GLB1: variants seen among roughly 807,000 people sequenced by gnomAD.
The protein encoded by GLB1 is galactosidase beta 1.
GLB1 carries 56 observed loss-of-function variants against 74.0 expected under a neutral mutation model. The ratio of observed to expected loss-of-function variants is 0.76; its 90% confidence interval spans 0.61 to 0.94. The LOEUF is 0.94. GLB1 is among the 40% of genes least tolerant of loss of function. GLB1 has a pLI of 0.00. For synonymous variants in GLB1, 323 were observed against 323.6 expected (o/e 1.00, Z 0.02); for missense variants, 787 against 845.5 (o/e 0.93, Z 0.86).
rs1233338329 is a variant in GLB1, at chr3:33,097,053, CA to C, written c.32del (p.Leu11ArgfsTer60). MPGFLVRILP[L>X]LLVLLLLGPT... ...GGCCCAGAAGCAGCAGAACCAGCAA[CA>C]GAGGGAGGATGCGAACCAGGAACCC... is the stretch of plus-strand genomic sequence containing the variant. On this transcript the variant is annotated frameshift_variant, in exon 1 of 16. Transcript: ENST00000307363. LOFTEE classifies it high-confidence loss of function. 6.2e-7 allele frequency: 1 copy of C among 1,611,922 alleles called. No homozygotes were observed. The highest frequency in any genetic ancestry group is 8.5e-7 in the Non-Finnish European group (1 of 1,178,674).
At chr3:32,962,135 A>C in the GLB1 span, among the ~76,000 whole-genome samples, 139 of 152,110 alleles carry the variant, frequency 9.1e-4, 2 homozygotes, top group African/African-American at 3.3e-3. Context: ...CGGAGGTTGC[A>C]ATGAGCTGAG....
intron 5 of GLB1, among the ~76,000 whole-genome samples, chr3:33,060,825 G>T (rs996585069): frequency 1.3e-5 from 2 of 152,142 alleles, no homozygotes; most frequent in African/African-American, 2.4e-5. Flanking sequence ...TCCTACCCAT[G>T]GGACTCCACC....
Position 33,093,574 on chromosome 3 carries a change from T to C in GLB1, c.75+3437A>G. ...TGAATGTCTGAGAGGAGCACGATCT[T>C]GAGGTTGTTCATTGAGGCAGGCAGC... On this transcript the variant is annotated intron_variant, in intron 1 of 15. Coordinates refer to ENST00000307363, the MANE Select transcript of GLB1 (RefSeq NM_000404.4). This position sits in a 1 kb window ranked among gnomAD's most constrained non-coding sequence, Gnocchi z 6.0. 1 of 1,614,150 alleles carries C rather than the reference T, an allele frequency of 6.2e-7. No individual in the cohort carries two copies. The highest frequency in any genetic ancestry group is 8.5e-7 in the Non-Finnish European group (1 of 1,180,010).
chr3:33,027,326 C>A (rs778822499), intron 10 of GLB1, among the ~76,000 whole-genome samples: 18 of 152,270 alleles, frequency 1.2e-4, no homozygotes, highest in Non-Finnish European at 1.9e-4. Flanking sequence ...CTCAACCCCA[C>A]GCTTGCTCAC....
intron 9 of GLB1, among the ~76,000 whole-genome samples, chr3:33,049,167 A>G (rs762290095): frequency 3.9e-5 from 6 of 152,156 alleles, no homozygotes; most frequent in Non-Finnish European, 5.9e-5. Flanking sequence ...CGATCCCATC[A>G]ATGGCAGCTA....
intron 15 of GLB1, among the ~76,000 whole-genome samples, chr3:32,999,029 C>T (rs1186470698): frequency 1.3e-5 from 2 of 152,158 alleles, no homozygotes; most frequent in Non-Finnish European, 2.9e-5. Context: ...GATGAAGGAA[C>T]AGTGTGTGGC....
chr3:33,077,346 G>T, intron 1 of GLB1: 1 of 1,487,624 alleles, frequency 6.7e-7, no homozygotes, highest in Non-Finnish European at 9.2e-7. Flanking sequence ...AAAGCCTGTT[G>T]TGAACGATAG....
At chr3:32,983,976 C>T in the GLB1 span, among the ~76,000 whole-genome samples, 1 of 152,166 alleles carries the variant, frequency 6.6e-6, no homozygotes, top group Non-Finnish European at 1.5e-5. Context: ...TGAGCTGCCA[C>T]TCCTAGCCTG....
the GLB1 span, among the ~76,000 whole-genome samples, chr3:32,968,660 A>T: frequency 1.3e-5 from 2 of 152,178 alleles, no homozygotes; most frequent in East Asian, 1.9e-4. Flanking sequence ...ACATGAAGTC[A>T]CAAAGAAGAG....
intron 1 of GLB1, 41 bp downstream of exon 1, chr3:33,096,970 C>T: frequency 1.2e-6 from 2 of 1,604,768 alleles, no homozygotes; most frequent in Non-Finnish European, 8.5e-7. Context: ...CCAGCCTGTC[C>T]CCTAGCAATG....
intron 14 of GLB1, 131 bp from the exon 15 acceptor site, chr3:33,014,441 T>C (rs1041770920): frequency 2.3e-5 from 31 of 1,369,520 alleles, no homozygotes; most frequent in South Asian, 5.2e-5. Context: ...CCTCGAAATA[T>C]GTGTACATCG....
At chr3:33,056,861 ATACAG>A (rs1472404895) in intron 6 of GLB1, among the ~76,000 whole-genome samples, 2 of 152,218 alleles carry the variant, frequency 1.3e-5, no homozygotes, top group African/African-American at 2.4e-5. Context: ...AATTATACTG[ATACAG>A]TACTCTTATC....
intron 10 of GLB1, among the ~76,000 whole-genome samples, chr3:33,043,786 A>AAAAT (rs71795892): frequency 0.34 from 42,206 of 122,594 alleles, 8,492 homozygotes; most frequent in Non-Finnish European, 0.42. Context: ...ATACCTCAGA[A>AAAAT]AAATACCAAG....
At position 33,068,180 on chromosome 3, in the gene GLB1, C is replaced by T. The variant is rs372908598; in HGVS notation, c.457+50G>A. Reference sequence around the variant, plus strand: ...AGGATTACAGGCGTGAGCCACCGCACCTAGGCTGAAGCTTTTATAAATCTT... The same window carrying T: ...AGGATTACAGGCGTGAGCCACCGCATCTAGGCTGAAGCTTTTATAAATCTT... On this transcript the variant is annotated intron_variant, in intron 4 of 15. Transcript: ENST00000307363. The T allele has an allele frequency of 2.0e-5, 33 of 1,613,092 alleles. No individual in the cohort carries two copies. The African/African-American group carries it at 4.3e-4, about 21-fold the overall frequency.
In GLB1 at chr3:33,093,704, G is replaced by A; in HGVS notation, c.75+3307C>T. Reference sequence around the variant, plus strand: ...TCACTCCCACTGCCAGGGCAGGCCTGAGCACGAGCTTCCTTGTCTTCTCAA... The same window carrying A: ...TCACTCCCACTGCCAGGGCAGGCCTAAGCACGAGCTTCCTTGTCTTCTCAA... On this transcript the variant is annotated intron_variant, in intron 1 of 15. Coordinates refer to ENST00000307363, the MANE Select transcript of GLB1 (RefSeq NM_000404.4). This position sits in a 1 kb window ranked among gnomAD's most constrained non-coding sequence, Gnocchi z 6.0. 8 of 1,614,184 alleles carry A rather than the reference G, an allele frequency of 5.0e-6. No individual in the cohort carries two copies. Among genetic ancestry groups the A allele is most frequent in the East Asian group, 2.2e-5 (1 of 44,880 alleles).
At position 33,053,552 on chromosome 3, in the gene GLB1, G is replaced by C; in HGVS notation, c.734-3C>G. On this transcript the variant is annotated splice_region_variant and splice_polypyrimidine_tract_variant and intron_variant, in intron 6 of 15. Transcript: ENST00000307363. ...GAAAGCATCTGTGATGTTGCTGCCT[G>C]AAAATTGTAAGAGGGAGAAGGTAGG... is the stretch of plus-strand genomic sequence containing the variant. 1 of 1,614,172 alleles carries C rather than the reference G, an allele frequency of 6.2e-7. No individual in the cohort carries two copies. Among genetic ancestry groups the C allele is most frequent in the Non-Finnish European group, 8.5e-7 (1 of 1,180,020 alleles).
At chr3:32,987,117 C>T in the GLB1 span, among the ~76,000 whole-genome samples, 2 of 152,222 alleles carry the variant, frequency 1.3e-5, no homozygotes, top group Non-Finnish European at 2.9e-5. Flanking sequence ...TACCTCCCCA[C>T]AGTACAACTA....
chr3:33,055,914 G>A (rs964374932), intron 6 of GLB1, among the ~76,000 whole-genome samples: 2 of 151,692 alleles, frequency 1.3e-5, no homozygotes, highest in African/African-American at 4.8e-5. Context: ...TTTTTGATAA[G>A]GTAGAAGAAC....
intron 5 of GLB1, among the ~76,000 whole-genome samples, chr3:33,060,091 T>TG (rs1409154168): frequency 6.6e-6 from 1 of 152,202 alleles, no homozygotes; most frequent in African/African-American, 2.4e-5. Context: ...CGTGCAGAGT[T>TG]GGAGAGTGGG....
Sources: allele counts gnomAD v4.1 joint callset (sites outside exome capture counted in the v4.1 genomes callset), GRCh38; gene constraint gnomAD v4.1.1; non-coding constraint Gnocchi (gnomAD v3.1); transcripts MANE v1.5; gene names NCBI Gene and HGNC (gene_info 2026-07-23, HGNC 2026-07-21).